The following CMYA5 variants were observed in gnomAD, a reference collection of about 807,000 sequenced individuals.
CMYA5 encodes the protein cardiomyopathy-associated protein 5.
CMYA5 carries 246 observed loss-of-function variants against 318.9 expected under a neutral mutation model. The ratio of observed to expected loss-of-function variants is 0.77; its 90% CI spans 0.70 to 0.86. The LOEUF (loss-of-function observed/expected upper bound fraction) is 0.86. CMYA5 is among the 40% of genes least tolerant of loss of function. The pLI is 0.00. For synonymous variants in CMYA5, 1,641 were observed against 1,729.5 expected, an observed-to-expected ratio of 0.95 and a Z score of 1.27; for missense variants, 4,589 against 4,678.2, an observed-to-expected ratio of 0.98 and a Z score of 0.56.
chr5:79,799,570 C>T lies in CMYA5; in HGVS notation c.12164C>T (p.Thr4055Ile). 1.9e-6 allele frequency: 3 copies of T among 1,613,836 alleles called. No homozygotes were observed. The highest frequency in any genetic ancestry group is 1.7e-6 in the Non-Finnish European group (2 of 1,179,826). ...GCCCTGGAGAAACCTGGAAAATGTA[C>T]TTTGCACCTGGGGATAGAGCCCCCG... ...AFALEKPGKC[T>I]LHLGIEPPDS... Residue 4055 changes from threonine (T) to isoleucine (I), a missense_variant, in exon 13 of 13, where the codon ACT becomes ATT. Thr to Ile is a moderately conservative substitution (Grantham distance 89, BLOSUM62 -1). This residue lies in a region of CMYA5 where 2,431 missense variants were observed against 2,495.1 expected (regional missense o/e 0.97). Transcript: ENST00000446378.
At chr5:79,727,668 C>T (rs1373116366) in intron 1 of CMYA5, among the ~76,000 whole-genome samples, 1 of 152,094 alleles carries the variant, frequency 6.6e-6, no homozygotes, top group Non-Finnish European at 1.5e-5. Context: ...GAATTTAAAC[C>T]CAGCCTTAAG....
chr5:79,732,615 C>T lies in CMYA5; in HGVS notation c.3850C>T (p.Pro1284Ser). The change falls in exon 2 of 13, where the codon CCT becomes TCT. Residue 1284 changes from proline to serine, a missense_variant. This residue lies in a region of CMYA5 where 2,132 missense variants were observed against 2,131.3 expected (regional missense o/e 1.00). Coordinates refer to ENST00000446378, the MANE Select transcript of CMYA5 (RefSeq NM_153610.5). The stretch of plus-strand genomic sequence containing the variant: ...GCCTGAAGTAATAAAACCATATTCA[C>T]CTCTAAAGGAAACATCTTTATCTGG... ...NEPEVIKPYSPLKETSLSGPE... is the reference protein window; with the variant it reads ...NEPEVIKPYSSLKETSLSGPE... The T allele has an allele frequency of 1.2e-6, 2 of 1,613,266 alleles. No individual in the cohort carries two copies. Among genetic ancestry groups the T allele is most frequent in the African/African-American group, 1.3e-5 (1 of 75,038 alleles).
Position 79,732,670 on chromosome 5 carries a change from A to G in CMYA5, c.3905A>G (p.Glu1302Gly), listed in dbSNP as rs745963791. 1.9e-6 allele frequency: 3 copies of G among 1,613,464 alleles called. No individual in the cohort carries two copies. Among genetic ancestry groups the G allele is most frequent in the Non-Finnish European group, 2.5e-6 (3 of 1,179,720 alleles). ...GPEALSAVKMEMKHDSKITTT... is the reference protein window; with the variant it reads ...GPEALSAVKMGMKHDSKITTT... ...GAGGCTTTATCAGCAGTGAAAATGG[A>G]GATGAAACATGATTCCAAAATAACA... Residue 1302 changes from glutamate (E) to glycine (G), a missense_variant, in exon 2 of 13, where the codon GAG (glutamate) becomes GGG (glycine). Glu to Gly is a moderately conservative substitution (Grantham distance 98). Transcript: ENST00000446378.
chr5:79,734,791 A>G lies in CMYA5; in HGVS notation c.6026A>G (p.Glu2009Gly). ...GAGAGAAACATAGCAGAGGGGAAGGAGATTCATTCTTTGATGGAGAGTGAA... is the reference window on the plus strand; with the variant it reads ...GAGAGAAACATAGCAGAGGGGAAGGGGATTCATTCTTTGATGGAGAGTGAA... ...NVERNIAEGKEIHSLMESESL... is the reference protein window; with the variant it reads ...NVERNIAEGKGIHSLMESESL... The change falls in exon 2 of 13, where the codon GAG (glutamate) becomes GGG (glycine). Residue 2009 changes from glutamate to glycine, a missense_variant. Glu to Gly is a moderately conservative substitution (Grantham distance 98). Transcript: ENST00000446378. 1 of 1,613,824 alleles carries G rather than the reference A, an allele frequency of 6.2e-7. No homozygotes were observed. The highest frequency in any genetic ancestry group is 8.5e-7 in the Non-Finnish European group (1 of 1,179,824).
chr5:79,692,605 C>G (rs62365246), intron 1 of CMYA5, among the ~76,000 whole-genome samples: 22,201 of 152,130 alleles, frequency 0.15, 1,655 homozygotes, highest in African/African-American at 0.19. Flanking sequence ...AAATCCTGTC[C>G]TCTTTGAGCC....
At position 79,763,081 on chromosome 5, in the gene CMYA5, C is replaced by G; in HGVS notation, c.11427C>G (p.Ile3809Met). Residue 3809 changes from isoleucine (I) to methionine (M), a missense_variant, in exon 9 of 13, where the codon ATC (isoleucine) becomes ATG (methionine). By Grantham distance (10) the Ile-to-Met change is conservative. Transcript: ENST00000446378. ...IFRTAPSTPV[I>M]RAEDCTVCWN... ...CTGCAGCACCCTCCACCCCTGTGAT[C>G]CGCGCTGAGGACTGTACTGTGTGTT... 2.5e-6 allele frequency: 4 copies of G among 1,613,794 alleles called. No homozygotes were observed. Among genetic ancestry groups the G allele is most frequent in the Non-Finnish European group, 3.4e-6 (4 of 1,179,814 alleles).
At chr5:79,769,835 GGGA>G (rs1561225799) in intron 9 of CMYA5, among the ~76,000 whole-genome samples, 1 of 152,192 alleles carries the variant, frequency 6.6e-6, no homozygotes, top group Non-Finnish European at 1.5e-5. Context: ...GTGCTGTGCT[GGGA>G]GATCTGCTGC....
In CMYA5 at chr5:79,736,364, T is replaced by C. The variant is rs1330341630; in HGVS notation, c.7599T>C (p.Ser2533=). The C allele has an allele frequency of 1.9e-6, 3 of 1,613,220 alleles. No homozygotes were observed. Among genetic ancestry groups the C allele is most frequent in the Non-Finnish European group, 2.5e-6 (3 of 1,179,670 alleles). Reference sequence around the variant, plus strand: ...AAAGACCCAAAATCATTGTTGGTTCTGAAAAGGAGAAAGGTGAAGAAAAAG... The same window carrying C: ...AAAGACCCAAAATCATTGTTGGTTCCGAAAAGGAGAAAGGTGAAGAAAAAG... ...YNERPKIIVG[S]EKEKGEEKEN... is the part of the protein sequence containing the mutation. The change falls in exon 2 of 13, where the codon TCT becomes TCC. Residue 2533 remains serine (S), a synonymous_variant. Transcript: ENST00000446378.
chr5:79,730,703 C>A lies in CMYA5; in HGVS notation c.1938C>A (p.Ala646=). 1 of 1,613,880 alleles carries A rather than the reference C, an allele frequency of 6.2e-7. No individual in the cohort carries two copies. ...TTGAGGCTTATTCCCCAGCTGCAGC[C>A]CCTACATCTGAGAGCTCTCTCTCAC... ...EEFEAYSPAA[A]PTSESSLSPS... is the part of the protein sequence containing the mutation. Residue 646 remains alanine, a synonymous_variant, in exon 2 of 13, where the codon GCC becomes GCA. Transcript: ENST00000446378.
At position 79,766,110 on chromosome 5, in the gene CMYA5, T is replaced by A. The variant is rs146619846; in HGVS notation, c.11555+2901T>A. 4.4e-3 allele frequency among the ~76,000 whole-genome samples: 670 copies of A among 152,290 alleles called. 1 individual carries two copies. The highest frequency in any genetic ancestry group is 0.015 in the African/African-American group (641 of 41,552). On this transcript the variant is annotated intron_variant, in intron 9 of 12. Transcript: ENST00000446378. Reference sequence around the variant, plus strand: ...TTCCAGTTTGTTTTATTTATTTATTTATTTTTGAGACGGGGTGTCCCTCTG... The same window carrying A: ...TTCCAGTTTGTTTTATTTATTTATTAATTTTTGAGACGGGGTGTCCCTCTG...
Position 79,752,707 on chromosome 5 carries a change from T to C in CMYA5, c.11023T>C (p.Leu3675=), listed in dbSNP as rs1828452784. The C allele has an allele frequency of 6.2e-7, 1 of 1,613,564 alleles. No homozygotes were observed. The highest frequency in any genetic ancestry group is 1.3e-5 in the African/African-American group (1 of 74,932). The change falls in exon 6 of 13, where the codon TTA becomes CTA. Residue 3675 remains leucine (L), a synonymous_variant. Coordinates refer to ENST00000446378, the MANE Select transcript of CMYA5 (RefSeq NM_153610.5). ...TTCTGCAATGGAGAGCACTGCTTCT[T>C]TAGAGAAAATGCCTGCTGCGTTTTC... ...LLSAMESTAS[L]EKMPAAFSLF...
At chr5:79,728,373 G>A (rs1158275550) in intron 1 of CMYA5, among the ~76,000 whole-genome samples, 1 of 151,844 alleles carries the variant, frequency 6.6e-6, no homozygotes, top group African/African-American at 2.4e-5. Context: ...TTTAAAGCAG[G>A]GGGTGGCATA....
At chr5:79,711,927 A>G (rs1291851930) in intron 1 of CMYA5, among the ~76,000 whole-genome samples, 1 of 152,186 alleles carries the variant, frequency 6.6e-6, no homozygotes, top group Admixed American at 6.5e-5. Flanking sequence ...TTTCAGTATG[A>G]TCCCCTTCCA....
At chr5:79,696,915 G>C (rs1320768626) in intron 1 of CMYA5, among the ~76,000 whole-genome samples, 3 of 152,058 alleles carry the variant, frequency 2.0e-5, no homozygotes, top group Non-Finnish European at 4.4e-5. Flanking sequence ...GCTGAGGCAG[G>C]AGAAGCACTT....
chr5:79,797,847 C>T (rs1280390093), intron 12 of CMYA5, among the ~76,000 whole-genome samples: 1 of 152,190 alleles, frequency 6.6e-6, no homozygotes, highest in Non-Finnish European at 1.5e-5. Flanking sequence ...AGCCACCTTA[C>T]CATCACTGCT....
intron 1 of CMYA5, among the ~76,000 whole-genome samples, chr5:79,695,277 G>A (rs975363136): frequency 6.6e-6 from 1 of 152,012 alleles, no homozygotes; most frequent in Non-Finnish European, 1.5e-5. Flanking sequence ...AGAAATATAA[G>A]GTGAGCCACA....
chr5:79,755,985 C>T (rs1017967423), intron 6 of CMYA5, among the ~76,000 whole-genome samples: 23 of 152,180 alleles, frequency 1.5e-4, no homozygotes, highest in African/African-American at 5.3e-4. Context: ...ATGTATAATT[C>T]ATAGGATAAA....
chr5:79,714,364 G>T (rs1827471319), intron 1 of CMYA5, among the ~76,000 whole-genome samples: 2 of 150,462 alleles, frequency 1.3e-5, no homozygotes, highest in African/African-American at 4.9e-5. Context: ...CAAACAGCAT[G>T]CCCCACTCTA....
Position 79,736,548 on chromosome 5 carries a change from A to G in CMYA5, c.7783A>G (p.Thr2595Ala), listed in dbSNP as rs201635384. The part of the protein sequence containing the change: ...SFSLVKATSV[T>A]EKSEAMLAEA... ...TTCATTAGTTAAAGCTACATCAGTT[A>G]CTGAAAAATCAGAAGCCATGCTCGC... is the stretch of plus-strand genomic sequence containing the variant. Residue 2595 changes from threonine to alanine, a missense_variant, in exon 2 of 13, where the codon ACT (threonine) becomes GCT (alanine). Physicochemically the swap from Thr to Ala is moderately conservative, Grantham distance 58. Transcript: ENST00000446378. 1.2e-5 allele frequency: 19 copies of G among 1,613,724 alleles called. No individual in the cohort carries two copies. The Admixed American group carries it at 2.7e-4, about 23-fold the overall frequency.
Sources: allele counts gnomAD v4.1 joint callset (sites outside exome capture counted in the v4.1 genomes callset), GRCh38; gene constraint gnomAD v4.1.1; regional missense constraint gnomAD v4.1.1; transcripts MANE v1.5; gene names NCBI Gene and HGNC (gene_info 2026-07-23, HGNC 2026-07-21).